The following SLC15A5 variants were observed in gnomAD, a reference collection of about 807,000 sequenced individuals.
SLC15A5 encodes the protein Peptide/histidine transporter ENSP00000340402.
A neutral mutation model predicts 56.1 loss-of-function variants in SLC15A5; 58 were observed. The ratio of observed to expected loss-of-function variants is 1.03; its 90% CI spans 0.84 to 1.29. The LOEUF (loss-of-function observed/expected upper bound fraction) is 1.29, where lower values mean the gene tolerates loss of function less well. SLC15A5 is among the 50% of genes most tolerant of loss of function. The probability of loss-of-function intolerance (pLI) is 0.00; values close to 1 mark genes in which losing one functional copy is unlikely to be tolerated. For synonymous variants in SLC15A5, 264 were observed against 250.5 expected (o/e 1.05, Z -0.51); for missense variants, 681 against 672.1 (o/e 1.01, Z -0.15).
chr12:16,210,366 A>G (rs1450613116), intron 7 of SLC15A5, among the ~76,000 whole-genome samples: 3 of 152,150 alleles, frequency 2.0e-5, no homozygotes, highest in Non-Finnish European at 4.4e-5. Context: ...TCTTCTCCCA[A>G]TCTCCACCTG....
intron 8 of SLC15A5, among the ~76,000 whole-genome samples, chr12:16,192,179 A>G (rs1863844067): frequency 6.6e-6 from 1 of 152,118 alleles, no homozygotes. Flanking sequence ...GAGTAAGTGC[A>G]GTTGTTTGTG....
At chr12:16,266,135 A>G (rs1864693926) in intron 2 of SLC15A5, among the ~76,000 whole-genome samples, 1 of 152,200 alleles carries the variant, frequency 6.6e-6, no homozygotes, top group Non-Finnish European at 1.5e-5. Context: ...GAGGTACAAA[A>G]AGTTATAATT....
chr12:16,219,153 A>G (rs1864161784), intron 6 of SLC15A5, among the ~76,000 whole-genome samples: 1 of 152,146 alleles, frequency 6.6e-6, no homozygotes, highest in Admixed American at 6.6e-5. Flanking sequence ...ATTATTTAGT[A>G]CAAAGGGCAG....
chr12:16,263,733 T>G (rs1017095858), intron 2 of SLC15A5, among the ~76,000 whole-genome samples: 3 of 152,154 alleles, frequency 2.0e-5, no homozygotes, highest in African/African-American at 7.2e-5. Flanking sequence ...GTGTCCCAGC[T>G]GCTCCAGCCA....
chr12:16,211,538 C>T (rs748427252), intron 7 of SLC15A5, among the ~76,000 whole-genome samples: 12 of 152,198 alleles, frequency 7.9e-5, no homozygotes, highest in East Asian at 1.9e-4. Flanking sequence ...ATCTTTCAAT[C>T]GCCTGCATGT....
At chr12:16,238,273 G>A (rs1440616023) in intron 5 of SLC15A5, among the ~76,000 whole-genome samples, 1 of 152,106 alleles carries the variant, frequency 6.6e-6, no homozygotes, top group Non-Finnish European at 1.5e-5. Context: ...TCTGTAAACA[G>A]AGAAGCAACA....
At chr12:16,220,570 A>G (rs1864175980) in intron 6 of SLC15A5, among the ~76,000 whole-genome samples, 1 of 152,296 alleles carries the variant, frequency 6.6e-6, no homozygotes, top group South Asian at 2.1e-4. Context: ...ATTTTAATAA[A>G]GTTTTATTGG....
chr12:16,201,813 G>C (rs961626690), intron 7 of SLC15A5, among the ~76,000 whole-genome samples: 1 of 152,018 alleles, frequency 6.6e-6, no homozygotes, highest in African/African-American at 2.4e-5. Flanking sequence ...ACCCAGTCTT[G>C]GGCAGCTGTT....
At chr12:16,277,059 T>A (rs1464862028) in intron 1 of SLC15A5, among the ~76,000 whole-genome samples, 3 of 151,436 alleles carry the variant, frequency 2.0e-5, no homozygotes, top group African/African-American at 7.3e-5. Flanking sequence ...TTCTAAGGAG[T>A]AAGATAGATA....
chr12:16,262,494 G>C (rs1447182211), intron 2 of SLC15A5, among the ~76,000 whole-genome samples: 1 of 152,134 alleles, frequency 6.6e-6, no homozygotes, highest in East Asian at 1.9e-4. Flanking sequence ...CTCTAAACAA[G>C]GTTTTTTGTT....
intron 3 of SLC15A5, among the ~76,000 whole-genome samples, chr12:16,245,857 A>T (rs1864455980): frequency 1.3e-5 from 2 of 152,246 alleles, no homozygotes; most frequent in Admixed American, 1.3e-4. Context: ...ATTCATTTAT[A>T]TGCCATAGAG....
At position 16,194,350 on chromosome 12, in the gene SLC15A5, T is replaced by G. The variant is rs1178916164; in HGVS notation, c.1587A>C (p.Ser529=). 19 of 1,529,436 alleles carry G rather than the reference T, an allele frequency of 1.2e-5. No individual in the cohort carries two copies. The South Asian group carries it at 2.3e-4, about 18-fold the overall frequency. 94.7% of individuals were successfully genotyped at this position (1,529,436 alleles called of 1,614,324 possible). A position where few individuals can be genotyped will look rare whatever the true frequency, so the allele number is the denominator to read the frequency against. ...CTTACCACACACTTACTTACCTTTG[T>G]GAAACACTGCAGAATCCCAGGACGT... The part of the protein sequence containing the change: ...LLNVLGFCSV[S]QRYCNLNHFN... The change falls in exon 8 of 9, where the codon TCA becomes TCC. Residue 529 remains serine (S), a synonymous_variant. Transcript: ENST00000344941.
rs748861988 is a variant in SLC15A5 at position 16,224,419 on chromosome 12, G to A, written c.1346C>T (p.Pro449Leu). 113 of 1,536,882 alleles carry A rather than the reference G, an allele frequency of 7.4e-5. No individual in the cohort carries two copies. Among genetic ancestry groups the A allele is most frequent in the Non-Finnish European group, 9.7e-5 (111 of 1,146,792 alleles). ...TTGAAAAGGTGTTTACTCACGGGCTGGGTTTACCAGTGTTTCCGCCACTCC... is the reference window on the plus strand; with the variant it reads ...TTGAAAAGGTGTTTACTCACGGGCTAGGTTTACCAGTGTTTCCGCCACTCC... ...LLGVAETLVN[P>L]ALSVISYRFV... is the part of the protein sequence containing the mutation. The change falls in exon 6 of 9, where the codon CCA becomes CTA. Residue 449 changes from proline (P) to leucine (L), a missense_variant. Physicochemically the swap from Pro to Leu is moderately conservative, Grantham distance 98. Coordinates refer to ENST00000344941, the MANE Select transcript of SLC15A5 (RefSeq NM_001170798.1).
intron 7 of SLC15A5, among the ~76,000 whole-genome samples, chr12:16,200,234 C>T (rs1178149780): frequency 6.6e-6 from 1 of 150,546 alleles, no homozygotes. Context: ...ACTCATAAGA[C>T]AAAGACAAAA....
Position 16,256,381 on chromosome 12 carries a change from CTTAA to C in SLC15A5, c.754+1316_754+1319del, listed in dbSNP as rs1365438995. ...CTCTGCAAAAACAGACATTATGCCT[CTTAA>C]TTAAAGTACATAATGCCACCTATGA... is the stretch of plus-strand genomic sequence containing the variant. On this transcript the variant is annotated intron_variant, in intron 3 of 8. Transcript: ENST00000344941. Among the ~76,000 whole-genome samples the C allele has an allele frequency of 3.7e-4, 56 of 152,176 alleles. No homozygotes were observed. In the South Asian group the frequency reaches 4.1e-3, roughly 11 times the overall value.
chr12:16,204,256 G>T (rs1230061229), intron 7 of SLC15A5, among the ~76,000 whole-genome samples: 2 of 151,960 alleles, frequency 1.3e-5, no homozygotes. Flanking sequence ...AGGAGTTTGA[G>T]ACTAGCCTGG....
At chr12:16,223,951 C>T (rs1864213499) in intron 6 of SLC15A5, among the ~76,000 whole-genome samples, 1 of 152,062 alleles carries the variant, frequency 6.6e-6, no homozygotes, top group African/African-American at 2.4e-5. Context: ...CTCTTGACCT[C>T]GTGATCCACC....
At position 16,258,794 on chromosome 12, in the gene SLC15A5, G is replaced by A. The variant is rs1042067354; in HGVS notation, c.585-924C>T. On this transcript the variant is annotated intron_variant, in intron 2 of 8. Coordinates refer to ENST00000344941, the MANE Select transcript of SLC15A5 (RefSeq NM_001170798.1). ...CTGATCAACTCAAGTCAACTGATGA[G>A]AAACCCCAATTATCTCTGCAAAATC... is the stretch of plus-strand genomic sequence containing the variant. Among the ~76,000 whole-genome samples the A allele has an allele frequency of 5.9e-5, 9 of 152,064 alleles. No homozygotes were observed. The East Asian group carries it at 1.5e-3, about 26-fold the overall frequency.
rs2136246457 is a variant in SLC15A5 at position 16,216,990 on chromosome 12, A to G, written c.1386T>C (p.Asn462=). ...GAAAATTCATGGAGGTTCCTCTGAC[A>G]TTGCTTGGAACAAATCTGTATGATA... ...SVISYRFVPS[N]VRGTSMNFLT... The change falls in exon 7 of 9, where the codon AAT becomes AAC. Residue 462 remains asparagine, a synonymous_variant. Coordinates refer to ENST00000344941, the MANE Select transcript of SLC15A5 (RefSeq NM_001170798.1). 2 of 1,536,850 alleles carry G rather than the reference A, an allele frequency of 1.3e-6. No homozygotes were observed. Among genetic ancestry groups the G allele is most frequent in the Non-Finnish European group, 1.7e-6 (2 of 1,146,616 alleles).
Sources: allele counts gnomAD v4.1 joint callset (sites outside exome capture counted in the v4.1 genomes callset), GRCh38; gene constraint gnomAD v4.1.1; transcripts MANE v1.5; gene names NCBI Gene and HGNC (gene_info 2026-07-23, HGNC 2026-07-21).